The following SNX2 variants were observed in gnomAD, a reference collection of about 807,000 sequenced individuals.
SNX2 encodes sorting nexin 2.
In SNX2, 25 loss-of-function variants were observed where a neutral mutation model predicts 69.9. The ratio of observed to expected loss-of-function variants is 0.36; its 90% CI spans 0.26 to 0.50. The LOEUF (loss-of-function observed/expected upper bound fraction) is 0.50. SNX2 is among the 20% of genes least tolerant of loss of function. SNX2 has a pLI of 0.97. For synonymous variants in SNX2, 229 were observed against 200.4 expected, an observed-to-expected ratio of 1.14 and a Z score of -1.20; for missense variants, 551 against 613.3, an observed-to-expected ratio of 0.90 and a Z score of 1.07.
chr5:122,816,995 C>T lies in SNX2; in HGVS notation c.879C>T (p.Asn293=), dbSNP rs139541395. Residue 293 remains asparagine, a synonymous_variant, in exon 9 of 15, where the codon AAC becomes AAT. Transcript: ENST00000379516. ...RMVNKAADAV[N]KMTIKMNESD... The stretch of plus-strand genomic sequence containing the variant: ...TGAACAAGGCTGCCGACGCTGTCAA[C>T]AAAATGACAATCAAGATGAATGAAT... 4.2e-4 allele frequency: 674 copies of T among 1,609,568 alleles called. 5 individuals carry two copies. The African/African-American group carries it at 8.1e-3, about 19-fold the overall frequency.
rs902048505 is a variant in SNX2 at position 122,830,539 on chromosome 5, T to C, written c.*891T>C. On this transcript the variant is annotated 3_prime_UTR_variant, in exon 15 of 15. Transcript: ENST00000379516. ...TTTTAAACTAAAAGTATATCATCTG[T>C]GCTCACAGTTGACAAGGAATGGTAC... Among the ~76,000 whole-genome samples the C allele has an allele frequency of 6.6e-6, 1 of 152,196 alleles. No individual in the cohort carries two copies. The highest frequency in any genetic ancestry group is 2.4e-5 in the African/African-American group (1 of 41,448).
chr5:122,780,530 A>T (rs1204327660), intron 1 of SNX2, among the ~76,000 whole-genome samples: 1 of 151,880 alleles, frequency 6.6e-6, no homozygotes, highest in Non-Finnish European at 1.5e-5. Flanking sequence ...TTCTAACATA[A>T]CAGGTAATAA....
intron 6 of SNX2, 39 bp from the exon 7 acceptor site, chr5:122,808,238 A>G (rs773587339): frequency 1.4e-5 from 18 of 1,270,408 alleles, no homozygotes; most frequent in Admixed American, 6.1e-5. Context: ...TTTCACAGCA[A>G]TATAAAGTCA....
chr5:122,791,951 A>G (rs1314071223), intron 1 of SNX2, among the ~76,000 whole-genome samples: 1 of 152,240 alleles, frequency 6.6e-6, no homozygotes, highest in African/African-American at 2.4e-5. Context: ...TGACACAAGT[A>G]GGTACTCTAT....
At chr5:122,821,753 C>T (rs1466835441) in intron 11 of SNX2, among the ~76,000 whole-genome samples, 1 of 152,118 alleles carries the variant, frequency 6.6e-6, no homozygotes, top group East Asian at 1.9e-4. Flanking sequence ...TTGCGCCTGG[C>T]CGGTAGATGT....
At chr5:122,828,794 T>G (rs888992702) in intron 14 of SNX2, among the ~76,000 whole-genome samples, 2 of 152,146 alleles carry the variant, frequency 1.3e-5, no homozygotes, top group Non-Finnish European at 2.9e-5. Flanking sequence ...TTGACGGACT[T>G]CAGATAAGGA....
Position 122,799,728 on chromosome 5 carries a change from G to C in SNX2, c.263G>C (p.Arg88Thr). 3 of 1,613,576 alleles carry C rather than the reference G, an allele frequency of 1.9e-6. No homozygotes were observed. The highest frequency in any genetic ancestry group is 2.5e-6 in the Non-Finnish European group (3 of 1,179,674). ...GAAGTTTCTTTGGACAGCCCTGAAA[G>C]GGAACCTATCCTATCCTCGGAACCT... The part of the protein sequence containing the change: ...TEEVSLDSPE[R>T]EPILSSEPSP... Residue 88 changes from arginine (R) to threonine (T), a missense_variant, in exon 3 of 15, where the codon AGG becomes ACG. Arg to Thr is a moderately conservative substitution (Grantham distance 71). Coordinates refer to ENST00000379516, the MANE Select transcript of SNX2 (RefSeq NM_003100.4).
chr5:122,809,653 G>A (rs1458597839), intron 7 of SNX2, among the ~76,000 whole-genome samples: 2 of 151,988 alleles, frequency 1.3e-5, no homozygotes, highest in African/African-American at 4.8e-5. Flanking sequence ...AGTGGTTAGG[G>A]TGAATAGCAC....
At chr5:122,802,242 G>A in intron 5 of SNX2, 118 bp downstream of exon 5, 1 of 902,406 alleles carries the variant, frequency 1.1e-6, no homozygotes, top group Non-Finnish European at 1.8e-6. Flanking sequence ...ACCTAATAAA[G>A]ATTGCCAAGA....
chr5:122,806,111 T>C (rs372205276), intron 6 of SNX2, among the ~76,000 whole-genome samples: 3,052 of 64,562 alleles, frequency 0.047, 51 homozygotes, highest in South Asian at 0.11. Flanking sequence ...TGTGTGTGTG[T>C]GCGTGTGTGT....
intron 6 of SNX2, 147 bp from the exon 7 acceptor site, chr5:122,808,130 G>A (rs1375960567): frequency 1.2e-5 from 6 of 507,288 alleles, no homozygotes; most frequent in South Asian, 3.5e-5. Flanking sequence ...TCCTCAAAAC[G>A]TTTTTGCTTT....
chr5:122,787,159 T>C (rs962274243), intron 1 of SNX2, among the ~76,000 whole-genome samples: 1 of 152,124 alleles, frequency 6.6e-6, no homozygotes, highest in African/African-American at 2.4e-5. Context: ...TCCTATTTAG[T>C]AGGAACCTGG....
intron 1 of SNX2, among the ~76,000 whole-genome samples, chr5:122,788,829 GTTTACC>G (rs1753146815): frequency 1.3e-5 from 2 of 151,890 alleles, no homozygotes; most frequent in Admixed American, 6.6e-5. Flanking sequence ...CTTCAAATAT[GTTTACC>G]TTTACTTCAT....
chr5:122,794,477 C>T (rs1241650851), intron 1 of SNX2, among the ~76,000 whole-genome samples: 11 of 152,196 alleles, frequency 7.2e-5, no homozygotes, highest in Admixed American at 6.5e-4. Flanking sequence ...GTGCTTTGAA[C>T]TTCTTGGACA....
At chr5:122,821,800 T>A (rs1254936507) in intron 11 of SNX2, among the ~76,000 whole-genome samples, 1 of 152,108 alleles carries the variant, frequency 6.6e-6, no homozygotes, top group African/African-American at 2.4e-5. Context: ...TCATATAACA[T>A]TTAGATATAC....
chr5:122,801,761 T>G, intron 3 of SNX2, 108 bp from the exon 4 acceptor site: 2 of 702,624 alleles, frequency 2.8e-6, no homozygotes, highest in Non-Finnish European at 4.8e-6. Context: ...GTGGCTAAAT[T>G]ATTTGTTGTG....
chr5:122,822,147 G>A (rs1335539468), intron 11 of SNX2, among the ~76,000 whole-genome samples: 3 of 152,150 alleles, frequency 2.0e-5, no homozygotes, highest in Non-Finnish European at 4.4e-5. Flanking sequence ...AGGCTAGAGT[G>A]CAGTGGTGCA....
At chr5:122,791,538 TC>T (rs1275879833) in intron 1 of SNX2, among the ~76,000 whole-genome samples, 2 of 152,250 alleles carry the variant, frequency 1.3e-5, no homozygotes, top group African/African-American at 4.8e-5. Flanking sequence ...TGCCTTGGCC[TC>T]CCAAAGTGCT....
chr5:122,829,779 C>CA lies in SNX2; in HGVS notation c.*132dup, dbSNP rs1295851083. 1.8e-4 allele frequency: 15 copies of CA among 84,258 alleles called. No homozygotes were observed. Among genetic ancestry groups the CA allele is most frequent in the Non-Finnish European group, 2.3e-4 (12 of 53,260 alleles). 5.2% of individuals were successfully genotyped at this position (84,258 alleles called of 1,614,324 possible). On this transcript the variant is annotated 3_prime_UTR_variant, in exon 15 of 15. Transcript: ENST00000379516. ...TGAATTACATGTGGTTTTATATACA[C>CA]ACACACACACACACACACACACACA... is the stretch of plus-strand genomic sequence containing the variant.
Sources: gnomAD v4.1 joint callset for allele counts (sites outside exome capture counted in the v4.1 genomes callset) on GRCh38, gnomAD v4.1.1 for gene constraint, MANE v1.5 for transcripts, NCBI Gene and HGNC (gene_info 2026-07-23, HGNC 2026-07-21) for gene names.